The following THSD7A variants were observed in gnomAD, a reference collection of about 807,000 sequenced individuals.
The protein encoded by THSD7A is thrombospondin type 1 domain containing 7A, also known as thrombospondin type-1 domain-containing protein 7A.
Under a neutral mutation model 231.3 loss-of-function variants are expected in THSD7A, and 96 were observed. That is an observed-to-expected ratio of 0.41 (90% CI 0.35 to 0.49). The LOEUF (loss-of-function observed/expected upper bound fraction) is 0.49. THSD7A is among the 20% of genes least tolerant of loss of function. The pLI is 0.05. For missense variants in THSD7A, 2,290 were observed against 2,070.2 expected, an observed-to-expected ratio of 1.11 and a Z score of -2.06; for synonymous variants, 940 against 743.3, an observed-to-expected ratio of 1.26 and a Z score of -4.30.
chr7:11,569,816 A>T (rs982520394), intron 4 of THSD7A, among the ~76,000 whole-genome samples: 4 of 152,222 alleles, frequency 2.6e-5, no homozygotes, highest in Non-Finnish European at 5.9e-5. Context: ...TATTTGGTAC[A>T]TGTACACAAT....
At chr7:11,695,672 A>G (rs1247308364) in intron 1 of THSD7A, among the ~76,000 whole-genome samples, 1 of 151,526 alleles carries the variant, frequency 6.6e-6, no homozygotes, top group African/African-American at 2.4e-5. Context: ...ATGGAAAACT[A>G]AACGGAGTAA....
In THSD7A at chr7:11,637,675, G is replaced by A. The variant is rs550961233; in HGVS notation, c.191-714C>T. Among the ~76,000 whole-genome samples, 5 of 152,248 alleles carry A rather than the reference G, an allele frequency of 3.3e-5. No homozygotes were observed. In the South Asian group the frequency reaches 8.3e-4, roughly 25 times the overall value. ...TTTTGCAATTTTCTAATCATTGAGA[G>A]GTTATTTGGGGTCTTATTTATTTAT... On this transcript the variant is annotated intron_variant, in intron 1 of 27. Coordinates refer to ENST00000423059, the MANE Select transcript of THSD7A (RefSeq NM_015204.3). The surrounding 1 kb of genome is among the most constrained non-coding windows in gnomAD (Gnocchi z 4.2).
At chr7:11,546,202 G>GCGCGCGCACACACACACACACACACA (rs761841418) in intron 4 of THSD7A, among the ~76,000 whole-genome samples, 62 of 129,444 alleles carry the variant, frequency 4.8e-4, no homozygotes, top group Admixed American at 1.1e-3. Context: ...GTGGGCGCGC[G>GCGCGCGCACACACACACACACACACA]CTCACACACA....
intron 1 of THSD7A, among the ~76,000 whole-genome samples, chr7:11,732,738 C>T (rs9691555): frequency 0.73 from 110,831 of 151,634 alleles, 40,576 homozygotes; most frequent in South Asian, 0.78. Flanking sequence ...GTTGTGGCAG[C>T]AGCCTTTGTA....
intron 1 of THSD7A, among the ~76,000 whole-genome samples, chr7:11,822,862 G>A (rs1784914832): frequency 6.6e-6 from 1 of 151,686 alleles, no homozygotes; most frequent in Non-Finnish European, 1.5e-5. Context: ...GTCTCCTGAT[G>A]GATGAATAGT....
At chr7:11,649,496 C>T (rs1782412116) in intron 1 of THSD7A, among the ~76,000 whole-genome samples, 1 of 151,882 alleles carries the variant, frequency 6.6e-6, no homozygotes, top group Non-Finnish European at 1.5e-5. Flanking sequence ...TGTTGCCATA[C>T]CCAAAAATCT....
intron 4 of THSD7A, among the ~76,000 whole-genome samples, chr7:11,572,480 T>A (rs1159893633): frequency 6.6e-6 from 1 of 152,100 alleles, no homozygotes; most frequent in Admixed American, 6.5e-5. Flanking sequence ...CCCAAGACAC[T>A]CTTTTCCTTT....
chr7:11,590,361 G>A lies in THSD7A; in HGVS notation c.1453+99C>T, dbSNP rs1584039126. ...CAACCACAATGTGAACAGAAATGCA[G>A]CCCTCATAACCTGGATGGCTGTGTA... is the stretch of plus-strand genomic sequence containing the variant. On this transcript the variant is annotated intron_variant, in intron 4 of 27. Transcript: ENST00000423059. This position sits in a 1 kb window ranked among gnomAD's most constrained non-coding sequence, Gnocchi z 4.4. 5 of 1,229,678 alleles carry A rather than the reference G, an allele frequency of 4.1e-6. No homozygotes were observed. Among genetic ancestry groups the A allele is most frequent in the Non-Finnish European group, 5.6e-6 (5 of 896,246 alleles). 76.2% of individuals were successfully genotyped at this position (1,229,678 alleles called of 1,614,324 possible). A position where few individuals can be genotyped will look rare whatever the true frequency, so the allele number is the denominator to read the frequency against.
chr7:11,799,730 T>G (rs1391269104), intron 1 of THSD7A, among the ~76,000 whole-genome samples: 1 of 152,200 alleles, frequency 6.6e-6, no homozygotes, highest in Non-Finnish European at 1.5e-5. Flanking sequence ...ATTGACACAA[T>G]TTGTTTTTTG....
intron 2 of THSD7A, among the ~76,000 whole-genome samples, chr7:11,628,225 T>C (rs1781535799): frequency 6.6e-6 from 1 of 152,226 alleles, no homozygotes; most frequent in Non-Finnish European, 1.5e-5. Context: ...CATTTAAACT[T>C]GACCTCCAAG....
intron 1 of THSD7A, among the ~76,000 whole-genome samples, chr7:11,802,254 T>C (rs972069842): frequency 3.3e-5 from 5 of 152,312 alleles, no homozygotes; most frequent in East Asian, 1.9e-4. Flanking sequence ...TGCATTATCA[T>C]TGTGAATTTC....
At chr7:11,705,106 G>T (rs1394031799) in intron 1 of THSD7A, among the ~76,000 whole-genome samples, 1 of 151,040 alleles carries the variant, frequency 6.6e-6, no homozygotes, top group Non-Finnish European at 1.5e-5. Context: ...TAAAAGTGCT[G>T]TTGGATTATG....
At chr7:11,793,775 G>C (rs796857786) in intron 1 of THSD7A, among the ~76,000 whole-genome samples, 4 of 151,862 alleles carry the variant, frequency 2.6e-5, no homozygotes, top group Admixed American at 2.6e-4. Context: ...AAACGAAATA[G>C]AACAAAAAGA....
intron 4 of THSD7A, among the ~76,000 whole-genome samples, chr7:11,580,597 C>T (rs1432987067): frequency 1.3e-5 from 2 of 152,132 alleles, no homozygotes; most frequent in African/African-American, 4.8e-5. Context: ...ATGGATGGAG[C>T]TGGAGACCAT....
At chr7:11,467,440 A>G (rs1785756350) in intron 9 of THSD7A, among the ~76,000 whole-genome samples, 1 of 152,148 alleles carries the variant, frequency 6.6e-6, no homozygotes, top group South Asian at 2.1e-4. Context: ...TGATTTCTCT[A>G]TATGACCATT....
At chr7:11,763,659 T>C (rs1204675428) in intron 1 of THSD7A, among the ~76,000 whole-genome samples, 2 of 152,118 alleles carry the variant, frequency 1.3e-5, no homozygotes, top group African/African-American at 2.4e-5. Context: ...AGAAATTAGG[T>C]TAGTTTTTTT....
intron 6 of THSD7A, among the ~76,000 whole-genome samples, chr7:11,537,687 T>C (rs1417686173): frequency 2.0e-5 from 3 of 152,182 alleles, no homozygotes; most frequent in Non-Finnish European, 4.4e-5. Context: ...CCTCTTTTCC[T>C]CTTGCATAAA....
At chr7:11,565,331 A>C (rs1465797404) in intron 4 of THSD7A, among the ~76,000 whole-genome samples, 3 of 152,220 alleles carry the variant, frequency 2.0e-5, no homozygotes, top group Admixed American at 6.5e-5. Flanking sequence ...ACAGCTCCAC[A>C]CATTTGCTGA....
At chr7:11,678,568 C>T (rs1397648527) in intron 1 of THSD7A, among the ~76,000 whole-genome samples, 3 of 152,126 alleles carry the variant, frequency 2.0e-5, no homozygotes, top group Admixed American at 6.6e-5. Context: ...ACTATTAACA[C>T]CTCTATGCAA....
Sources: gnomAD v4.1 joint callset for allele counts (sites outside exome capture counted in the v4.1 genomes callset) on GRCh38, gnomAD v4.1.1 for gene constraint, Gnocchi (gnomAD v3.1) non-coding constraint, MANE v1.5 for transcripts, NCBI Gene and HGNC (gene_info 2026-07-23, HGNC 2026-07-21) for gene names.